DCC: variants seen among roughly 807,000 people sequenced by gnomAD.
DCC encodes DCC netrin 1 receptor.
Under a neutral mutation model 172.5 loss-of-function variants are expected in DCC, and 58 were observed. That is an observed-to-expected ratio of 0.34 (90% CI 0.27 to 0.42). The LOEUF is 0.42. Ranked by LOEUF, DCC falls within the 10% of genes least tolerant of loss-of-function variation. The pLI is 1.00. For missense variants in DCC, 1,740 were observed against 1,791.0 expected, an observed-to-expected ratio of 0.97 and a Z score of 0.51; for synonymous variants, 709 against 644.5, an observed-to-expected ratio of 1.10 and a Z score of -1.52.
chr18:53,416,128 A>T lies in DCC; in HGVS notation c.3135A>T (p.Glu1045Asp). 6.2e-7 allele frequency: 1 copy of T among 1,610,356 alleles called. No individual in the cohort carries two copies. ...DPILFRTLKVEHPDKMANDQG... is the reference protein window; with the variant it reads ...DPILFRTLKVDHPDKMANDQG... Reference sequence around the variant, plus strand: ...TTATTTCTTTTTCCCCCGCAGTGGAACACCCTGACAAAATGGCTAATGACC... The same window carrying T: ...TTATTTCTTTTTCCCCCGCAGTGGATCACCCTGACAAAATGGCTAATGACC... Residue 1045 changes from glutamate (E) to aspartate (D), a missense_variant, in exon 21 of 29, where the codon GAA becomes GAT. Coordinates refer to ENST00000442544, the MANE Select transcript of DCC (RefSeq NM_005215.4).
intron 19 of DCC, among the ~76,000 whole-genome samples, chr18:53,408,905 C>G (rs1159275137): frequency 1.3e-5 from 2 of 152,110 alleles, no homozygotes; most frequent in African/African-American, 4.8e-5. Flanking sequence ...CCTACGTAAT[C>G]AGAAGGACAA....
At chr18:52,426,112 A>G (rs1026807620) in intron 1 of DCC, among the ~76,000 whole-genome samples, 2 of 152,032 alleles carry the variant, frequency 1.3e-5, no homozygotes, top group Non-Finnish European at 2.9e-5. Flanking sequence ...TATGACTAAA[A>G]TGTTGTAGTT....
intron 2 of DCC, among the ~76,000 whole-genome samples, chr18:52,800,018 T>C (rs61059539): frequency 0.022 from 3,325 of 152,330 alleles, 120 homozygotes; most frequent in African/African-American, 0.076. Flanking sequence ...TAAGACGTAG[T>C]AGTTGTCAAC....
chr18:52,434,064 C>G (rs561033199), intron 1 of DCC, among the ~76,000 whole-genome samples: 33 of 152,266 alleles, frequency 2.2e-4, no homozygotes, highest in African/African-American at 7.7e-4. Flanking sequence ...GGCTTTCTTG[C>G]ATAATCAGAG....
chr18:53,281,762 A>ATTTTTTTTT (rs754969859), intron 12 of DCC, among the ~76,000 whole-genome samples: 1 of 115,308 alleles, frequency 8.7e-6, no homozygotes, highest in African/African-American at 3.2e-5. Flanking sequence ...TTAATGGGGG[A>ATTTTTTTTT]TTTTTTTTTT....
At chr18:52,547,541 C>G (rs2032650405) in intron 1 of DCC, among the ~76,000 whole-genome samples, 1 of 152,006 alleles carries the variant, frequency 6.6e-6, no homozygotes, top group Non-Finnish European at 1.5e-5. Context: ...TTAATGTGAA[C>G]AAAGCCAGTT....
intron 27 of DCC, among the ~76,000 whole-genome samples, chr18:53,504,190 C>T (rs1436989724): frequency 1.3e-5 from 2 of 152,108 alleles, no homozygotes; most frequent in African/African-American, 4.8e-5. Flanking sequence ...CACAAAACTG[C>T]CAATAAATTA....
intron 12 of DCC, among the ~76,000 whole-genome samples, chr18:53,286,091 T>G (rs1486703431): frequency 6.6e-6 from 1 of 152,200 alleles, no homozygotes; most frequent in Non-Finnish European, 1.5e-5. Flanking sequence ...GACTTTGGAC[T>G]GTGGACTTTT....
chr18:53,340,492 C>G lies in DCC; in HGVS notation c.2359+585C>G, dbSNP rs79872086. Among the ~76,000 whole-genome samples, 740 of 152,220 alleles carry G rather than the reference C, an allele frequency of 4.9e-3. 7 individuals are homozygous for G. Among genetic ancestry groups the G allele is most frequent in the African/African-American group, 0.017 (690 of 41,544 alleles). Reference sequence around the variant, plus strand: ...TGATAAAACTCCATCCTGCATGTTTCCCTGCCCCTACCAATCTAGGTTCTC... The same window carrying G: ...TGATAAAACTCCATCCTGCATGTTTGCCTGCCCCTACCAATCTAGGTTCTC... On this transcript the variant is annotated intron_variant, in intron 15 of 28. Coordinates refer to ENST00000442544, the MANE Select transcript of DCC (RefSeq NM_005215.4).
intron 8 of DCC, among the ~76,000 whole-genome samples, chr18:53,178,753 C>T (rs2055148222): frequency 5.3e-5 from 8 of 152,108 alleles, no homozygotes; most frequent in Admixed American, 2.6e-4. Context: ...ATCTTAAACT[C>T]CCCAGAATCC....
intron 3 of DCC, among the ~76,000 whole-genome samples, chr18:52,915,376 GATAAA>G (rs1441369110): frequency 6.6e-6 from 1 of 152,108 alleles, no homozygotes; most frequent in African/African-American, 2.4e-5. Flanking sequence ...CATGAGGGAA[GATAAA>G]ATAGTGTGGC....
intron 2 of DCC, among the ~76,000 whole-genome samples, chr18:52,764,254 T>C (rs1260631162): frequency 6.6e-6 from 1 of 152,238 alleles, no homozygotes; most frequent in Non-Finnish European, 1.5e-5. Context: ...CTGATAAGAA[T>C]AGTGACGAGT....
intron 21 of DCC, among the ~76,000 whole-genome samples, chr18:53,432,848 T>C (rs1398564674): frequency 6.6e-6 from 1 of 152,032 alleles, no homozygotes; most frequent in Non-Finnish European, 1.5e-5. Flanking sequence ...AAAATTAAAA[T>C]TAAAATTAAA....
Position 53,059,741 on chromosome 18 carries a change from T to A in DCC, c.986-3564T>A, listed in dbSNP as rs76514135. Among the ~76,000 whole-genome samples, 484 of 152,266 alleles carry A rather than the reference T, an allele frequency of 3.2e-3. 25 individuals carry two copies. The East Asian group carries it at 0.086, about 27-fold the overall frequency. ...AAAATAATATTATTTTGTAGATATA[T>A]CATTTCCATGGCATTATCCGAACTT... On this transcript the variant is annotated intron_variant, in intron 5 of 28. Coordinates refer to ENST00000442544, the MANE Select transcript of DCC (RefSeq NM_005215.4).
intron 12 of DCC, among the ~76,000 whole-genome samples, chr18:53,264,387 C>T (rs1034363028): frequency 2.0e-5 from 3 of 148,774 alleles, no homozygotes; most frequent in South Asian, 4.2e-4. Context: ...CTCTGGAGGC[C>T]GAGGCTTGAA....
intron 23 of DCC, among the ~76,000 whole-genome samples, chr18:53,452,993 G>C (rs1302343437): frequency 6.6e-6 from 1 of 152,060 alleles, no homozygotes; most frequent in Non-Finnish European, 1.5e-5. Context: ...TCAGCTCACT[G>C]CAACCTCTGC....
At chr18:53,460,274 GTTTTTTT>G (rs766940670) in intron 24 of DCC, among the ~76,000 whole-genome samples, 10 of 81,090 alleles carry the variant, frequency 1.2e-4, no homozygotes, top group African/African-American at 4.4e-4. Flanking sequence ...AGGAGCTCCT[GTTTTTTT>G]TTTTTTTTTT....
chr18:52,834,550 G>C (rs185109083), intron 2 of DCC, among the ~76,000 whole-genome samples: 2 of 152,064 alleles, frequency 1.3e-5, no homozygotes, highest in African/African-American at 4.8e-5. Flanking sequence ...GAGCTCGTCT[G>C]GGGTGTTACT....
rs1259702660 is a variant in DCC, at chr18:53,174,554, A to T, written c.1419-4408A>T. Among the ~76,000 whole-genome samples, 19 of 151,022 alleles carry T rather than the reference A, an allele frequency of 1.3e-4. No homozygotes were observed. In the East Asian group the frequency reaches 3.7e-3, roughly 29 times the overall value. On this transcript the variant is annotated intron_variant, in intron 8 of 28. Coordinates refer to ENST00000442544, the MANE Select transcript of DCC (RefSeq NM_005215.4). ...CAGAGAATACTACAAACACCTCTAC[A>T]CAAATAAACTAGAAAATCTAGAAGA...
Sources: allele counts gnomAD v4.1 joint callset (sites outside exome capture counted in the v4.1 genomes callset), GRCh38; gene constraint gnomAD v4.1.1; transcripts MANE v1.5; gene names NCBI Gene and HGNC (gene_info 2026-07-23, HGNC 2026-07-21).